Variants in COBLL1 observed in about 807,000 individuals in gnomAD.
The protein encoded by COBLL1 is cordon-bleu WH2 repeat protein like 1, also known as cordon-bleu protein-like 1.
Under a neutral mutation model 94.8 loss-of-function variants are expected in COBLL1, and 50 were observed. That is an observed-to-expected ratio of 0.53 (90% CI 0.42 to 0.67). The LOEUF is 0.67. Among genes scored for constraint, COBLL1 ranks in the 30% least tolerant of loss-of-function variants. COBLL1 has a pLI of 0.00. For missense variants in COBLL1, 1,362 were observed against 1,348.7 expected (o/e 1.01, Z -0.15); for synonymous variants, 448 against 473.8 (o/e 0.95, Z 0.71).
intron 2 of COBLL1, among the ~76,000 whole-genome samples, chr2:164,661,848 A>T (rs1207673293): frequency 1.3e-5 from 2 of 152,176 alleles, no homozygotes; most frequent in African/African-American, 4.8e-5. Context: ...TTTTTCAACA[A>T]ATAAGTTATT....
Position 164,728,126 on chromosome 2 carries a change from C to T in COBLL1, c.504G>A (p.Ser168=), listed in dbSNP as rs780561547. Reference sequence around the variant, plus strand: ...ATATAATAGGGGCAAGCTCTTGAAGCGATGCATGTGGACTCACTCTCACTA... The same window carrying T: ...ATATAATAGGGGCAAGCTCTTGAAGTGATGCATGTGGACTCACTCTCACTA... ...KTIVRVSPHA[S]LQELAPIICS... Residue 168 remains serine, a synonymous_variant, in exon 5 of 14, where the codon TCG becomes TCA. Transcript: ENST00000652658. 27 of 1,613,522 alleles carry T rather than the reference C, an allele frequency of 1.7e-5. No homozygotes were observed. The highest frequency in any genetic ancestry group is 1.6e-4 in the Middle Eastern group (1 of 6,082).
chr2:164,813,342 G>C (rs914480822), intron 2 of COBLL1, among the ~76,000 whole-genome samples: 2 of 151,986 alleles, frequency 1.3e-5, no homozygotes, highest in Non-Finnish European at 2.9e-5. Context: ...GACCTCACAG[G>C]GGTAACCAAT....
intron 1 of COBLL1, among the ~76,000 whole-genome samples, chr2:164,672,626 G>A (rs1206156990): frequency 2.7e-5 from 4 of 148,838 alleles, no homozygotes; most frequent in African/African-American, 9.9e-5. Context: ...GTGAACCCGG[G>A]AAGCGGAGCT....
chr2:164,779,048 T>A (rs1688609885), intron 2 of COBLL1, among the ~76,000 whole-genome samples: 1 of 152,174 alleles, frequency 6.6e-6, no homozygotes, highest in Non-Finnish European at 1.5e-5. Flanking sequence ...TTGACAGTCA[T>A]ATTGGAAACA....
At chr2:164,699,640 C>T in intron 10 of COBLL1, 141 bp from the exon 11 acceptor site, 1 of 507,178 alleles carries the variant, frequency 2.0e-6, no homozygotes, top group Non-Finnish European at 3.5e-6. Flanking sequence ...TTTATTTCTG[C>T]CAAACATCGG....
intron 2 of COBLL1, among the ~76,000 whole-genome samples, chr2:164,784,313 G>C (rs1313490186): frequency 1.3e-5 from 2 of 152,114 alleles, no homozygotes; most frequent in Non-Finnish European, 2.9e-5. Context: ...ATAAACATGT[G>C]CTTTTGTATA....
chr2:164,719,859 A>C (rs1287979020), intron 7 of COBLL1, among the ~76,000 whole-genome samples: 1 of 152,180 alleles, frequency 6.6e-6, no homozygotes, highest in Non-Finnish European at 1.5e-5. Context: ...TTCTCTGAAT[A>C]AGTGCAGAAA....
chr2:164,832,795 G>A (rs1349815749), intron 2 of COBLL1, among the ~76,000 whole-genome samples: 1 of 152,196 alleles, frequency 6.6e-6, no homozygotes, highest in Non-Finnish European at 1.5e-5. Flanking sequence ...TGTAATCCCA[G>A]CACTTTGACA....
At chr2:164,743,213 A>G (rs571860255) in intron 3 of COBLL1, 2,613 of 152,562 alleles carry the variant, frequency 0.017, 25 homozygotes, top group South Asian at 0.027. Flanking sequence ...AACTGTTTTG[A>G]TACATACAAA....
intron 3 of COBLL1, among the ~76,000 whole-genome samples, chr2:164,732,105 C>T (rs1210578832): frequency 1.3e-5 from 2 of 152,136 alleles, no homozygotes; most frequent in Admixed American, 6.5e-5. Context: ...CCTCACACAT[C>T]CCTTCTCCCC....
chr2:164,674,465 T>G (rs753632657), intron 1 of COBLL1, among the ~76,000 whole-genome samples: 6 of 152,232 alleles, frequency 3.9e-5, no homozygotes, highest in Non-Finnish European at 7.3e-5. Flanking sequence ...ATGCCTGGGT[T>G]CATGTTCTGG....
intron 3 of COBLL1, among the ~76,000 whole-genome samples, chr2:164,740,691 G>A (rs185033052): frequency 6.6e-6 from 1 of 152,110 alleles, no homozygotes; most frequent in East Asian, 1.9e-4. Flanking sequence ...ATGGCTCTGT[G>A]GTTTCTTCAA....
chr2:164,801,165 C>A (rs1441956380), intron 2 of COBLL1, among the ~76,000 whole-genome samples: 2 of 151,890 alleles, frequency 1.3e-5, no homozygotes, highest in Admixed American at 6.6e-5. Context: ...TAAGGCCGGG[C>A]GCGGTGGCTC....
chr2:164,703,270 A>G, intron 9 of COBLL1: 1 of 1,169,834 alleles, frequency 8.5e-7, no homozygotes, highest in East Asian at 2.4e-5. Flanking sequence ...AACAGAGTTA[A>G]GGCAAGCAGA....
intron 2 of COBLL1, among the ~76,000 whole-genome samples, chr2:164,804,565 C>T (rs900765544): frequency 1.3e-5 from 2 of 152,026 alleles, no homozygotes; most frequent in Non-Finnish European, 2.9e-5. Flanking sequence ...CTTATCAGAT[C>T]TGATCGTTTC....
chr2:164,841,917 G>C, upstream of COBLL1: 1 of 1,465,880 alleles, frequency 6.8e-7, no homozygotes, highest in Non-Finnish European at 9.2e-7. The surrounding 1 kb of genome is among the most constrained non-coding windows in gnomAD (Gnocchi z 5.5). Flanking sequence ...GGCGCTGGCT[G>C]GGCGCTGGGG....
chr2:164,803,578 T>A (rs1683932072), intron 2 of COBLL1, among the ~76,000 whole-genome samples: 1 of 110,204 alleles, frequency 9.1e-6, no homozygotes, highest in Admixed American at 9.7e-5. Flanking sequence ...AATAAATAAA[T>A]AAATAAATAA....
At chr2:164,672,049 A>C (rs1183475353) in intron 1 of COBLL1, among the ~76,000 whole-genome samples, 1 of 152,198 alleles carries the variant, frequency 6.6e-6, no homozygotes. Flanking sequence ...ATAGAGGTGT[A>C]CGCTGGTATA....
At chr2:164,759,596 T>C (rs999502708) in intron 2 of COBLL1, among the ~76,000 whole-genome samples, 1 of 152,070 alleles carries the variant, frequency 6.6e-6, no homozygotes, top group African/African-American at 2.4e-5. Context: ...ACTTCTGTTC[T>C]GTGAAAGACC....
Sources: gnomAD v4.1 joint callset for allele counts (sites outside exome capture counted in the v4.1 genomes callset) on GRCh38, gnomAD v4.1.1 for gene constraint, Gnocchi (gnomAD v3.1) non-coding constraint, MANE v1.5 for transcripts, NCBI Gene and HGNC (gene_info 2026-07-23, HGNC 2026-07-21) for gene names.